SDK1: variants seen among roughly 807,000 people sequenced by gnomAD.
SDK1 encodes protein sidekick-1.
In SDK1, 157 loss-of-function variants were observed where a neutral mutation model predicts 245.5. The ratio of observed to expected loss-of-function variants is 0.64; its 90% confidence interval spans 0.56 to 0.73. SDK1 has a LOEUF of 0.73. Among genes scored for constraint, SDK1 ranks in the 30% least tolerant of loss-of-function variants. The pLI is 0.00. For missense variants in SDK1, 3,583 were observed against 3,002.3 expected (o/e 1.19, Z -4.52); for synonymous variants, 1,647 against 1,278.5 (o/e 1.29, Z -6.15).
chr7:3,364,913 C>G (rs1013626503), intron 1 of SDK1, among the ~76,000 whole-genome samples: 1 of 152,134 alleles, frequency 6.6e-6, no homozygotes, highest in Non-Finnish European at 1.5e-5. Context: ...GTATGTCTCA[C>G]CATTTGTTTA....
chr7:3,305,494 A>G (rs1021403678), intron 1 of SDK1, among the ~76,000 whole-genome samples: 2 of 152,134 alleles, frequency 1.3e-5, no homozygotes, highest in Admixed American at 1.3e-4. Context: ...CTTGTTTGCT[A>G]GAGTGTTGAG....
intron 44 of SDK1, among the ~76,000 whole-genome samples, chr7:4,261,551 G>A (rs1003199655): frequency 2.0e-5 from 3 of 152,184 alleles, no homozygotes; most frequent in Admixed American, 1.3e-4. Context: ...CCCACAAGGC[G>A]CAGCTCCTAG....
chr7:3,804,301 T>C (rs907510072), intron 4 of SDK1, among the ~76,000 whole-genome samples: 2 of 152,246 alleles, frequency 1.3e-5, no homozygotes, highest in African/African-American at 4.8e-5. Context: ...GTTTTCTTTT[T>C]TCTTAAGAAT....
At chr7:4,036,426 A>C (rs1788223425) in intron 17 of SDK1, among the ~76,000 whole-genome samples, 1 of 152,216 alleles carries the variant, frequency 6.6e-6, no homozygotes, top group South Asian at 2.1e-4. Context: ...ACCTACATGG[A>C]TGCCGCTCTA....
At chr7:4,121,261 T>A (rs1257500440) in intron 25 of SDK1, among the ~76,000 whole-genome samples, 3 of 152,152 alleles carry the variant, frequency 2.0e-5, no homozygotes, top group Non-Finnish European at 2.9e-5. Flanking sequence ...TCCTAGCTGA[T>A]TGTAGCATGT....
rs765038181 is a variant in SDK1 at position 3,969,387 on chromosome 7, G to C, written c.1677G>C (p.Glu559Asp). Residue 559 changes from glutamate (E) to aspartate (D), a missense_variant, in exon 11 of 45, where the codon GAG (glutamate) becomes GAC (aspartate). By Grantham distance (45) the Glu-to-Asp change is conservative. Coordinates refer to ENST00000404826, the MANE Select transcript of SDK1 (RefSeq NM_152744.4). Reference sequence around the variant, plus strand: ...ACACCTGCTATGCGGCCAACACAGAGGGCTCCCTGAATGCATCGGCCACGC... The same window carrying C: ...ACACCTGCTATGCGGCCAACACAGACGGCTCCCTGAATGCATCGGCCACGC... ...GNYTCYAANT[E>D]GSLNASATLT... The C allele has an allele frequency of 3.1e-6, 5 of 1,607,926 alleles. No homozygotes were observed. The highest frequency in any genetic ancestry group is 1.6e-4 in the Middle Eastern group (1 of 6,078).
At chr7:3,503,261 C>T (rs1782275552) in intron 1 of SDK1, among the ~76,000 whole-genome samples, 1 of 152,206 alleles carries the variant, frequency 6.6e-6, no homozygotes, top group Admixed American at 6.5e-5. Flanking sequence ...GGAATCTCAG[C>T]ATCCCTATTT....
chr7:4,004,286 G>C (rs1278416706), intron 14 of SDK1, among the ~76,000 whole-genome samples: 1 of 152,176 alleles, frequency 6.6e-6, no homozygotes, highest in Non-Finnish European at 1.5e-5. Context: ...TGATTATTGT[G>C]AGCTAATACT....
chr7:3,645,739 C>T (rs182371696), intron 4 of SDK1, among the ~76,000 whole-genome samples: 1 of 152,226 alleles, frequency 6.6e-6, no homozygotes, highest in Admixed American at 6.5e-5. Context: ...ATTGGTAGCA[C>T]AAGTCAGATG....
At chr7:3,634,878 T>C (rs1367599726) in intron 2 of SDK1, among the ~76,000 whole-genome samples, 1 of 152,224 alleles carries the variant, frequency 6.6e-6, no homozygotes, top group Non-Finnish European at 1.5e-5. Flanking sequence ...TACGGAGGAT[T>C]ACTATAGAAA....
chr7:3,883,108 G>A (rs897095667), intron 5 of SDK1, among the ~76,000 whole-genome samples: 3 of 152,154 alleles, frequency 2.0e-5, no homozygotes, highest in South Asian at 2.1e-4. Flanking sequence ...CAGAGCCCAC[G>A]GGTTCCAGGG....
chr7:3,661,060 A>T (rs898362748), intron 4 of SDK1, among the ~76,000 whole-genome samples: 1 of 152,132 alleles, frequency 6.6e-6, no homozygotes, highest in Non-Finnish European at 1.5e-5. Context: ...TTCAACACCT[A>T]TCTCTCACTC....
At position 3,987,275 on chromosome 7, in the gene SDK1, A is replaced by G; in HGVS notation, c.2084A>G (p.Asp695Gly). Residue 695 changes from aspartate (D) to glycine (G), a missense_variant, in exon 14 of 45, where the codon GAT (aspartate) becomes GGT (glycine). Asp to Gly is a moderately conservative substitution (Grantham distance 94). Transcript: ENST00000404826. Reference protein sequence around the residue: ...AVVLSWVRPFDGNSPILYYIV... With the variant: ...AVVLSWVRPFGGNSPILYYIV... Reference sequence around the variant, plus strand: ...GTGCTCTCTTGGGTCCGGCCCTTTGATGGAAACAGTCCTATTCTTTATTAC... The same window carrying G: ...GTGCTCTCTTGGGTCCGGCCCTTTGGTGGAAACAGTCCTATTCTTTATTAC... 1 of 1,614,032 alleles carries G rather than the reference A, an allele frequency of 6.2e-7. No homozygotes were observed. Among genetic ancestry groups the G allele is most frequent in the Non-Finnish European group, 8.5e-7 (1 of 1,179,982 alleles).
chr7:4,164,798 G>C (rs561417584), intron 32 of SDK1, among the ~76,000 whole-genome samples: 1 of 152,272 alleles, frequency 6.6e-6, no homozygotes, highest in South Asian at 2.1e-4. Context: ...GGAGGAGCTG[G>C]GCTGGTGTGT....
At chr7:3,696,671 C>G (rs1276504339) in intron 4 of SDK1, among the ~76,000 whole-genome samples, 1 of 151,768 alleles carries the variant, frequency 6.6e-6, no homozygotes, top group Non-Finnish European at 1.5e-5. Flanking sequence ...GTCTAAATTT[C>G]TAATCCTTTG....
At chr7:3,528,107 AG>A (rs1783209582) in intron 1 of SDK1, among the ~76,000 whole-genome samples, 1 of 140,066 alleles carries the variant, frequency 7.1e-6, no homozygotes, top group Non-Finnish European at 1.5e-5. Flanking sequence ...GTAGGAGGTA[AG>A]GTTGGATCAT....
chr7:3,888,131 C>T (rs1309406667), intron 5 of SDK1, among the ~76,000 whole-genome samples: 1 of 152,216 alleles, frequency 6.6e-6, no homozygotes, highest in Non-Finnish European at 1.5e-5. Context: ...TTTGACTTCT[C>T]TCATCAGTGA....
intron 5 of SDK1, among the ~76,000 whole-genome samples, chr7:3,909,455 C>T (rs1267971397): frequency 2.0e-5 from 3 of 152,200 alleles, no homozygotes; most frequent in Non-Finnish European, 4.4e-5. Context: ...CCAGTTGTGG[C>T]CTCTGCTCAG....
chr7:3,349,187 T>TAAA (rs1780589489), intron 1 of SDK1, among the ~76,000 whole-genome samples: 1 of 93,150 alleles, frequency 1.1e-5, no homozygotes, highest in African/African-American at 6.5e-5. Context: ...TGGTTGCAGT[T>TAAA]TAAAAAAAAA....
Sources: gnomAD v4.1 joint callset for allele counts (sites outside exome capture counted in the v4.1 genomes callset) on GRCh38, gnomAD v4.1.1 for gene constraint, MANE v1.5 for transcripts, NCBI Gene and HGNC (gene_info 2026-07-23, HGNC 2026-07-21) for gene names.